FNBP4: variants seen among roughly 807,000 people sequenced by gnomAD.
FNBP4 encodes formin-binding protein 4.
Under a neutral mutation model 119.3 loss-of-function variants are expected in FNBP4, and 34 were observed. The ratio of observed to expected loss-of-function variants is 0.28; its 90% confidence interval spans 0.22 to 0.38. FNBP4 has a LOEUF of 0.38. Ranked by LOEUF, FNBP4 falls within the 10% of genes least tolerant of loss-of-function variation. The probability of loss-of-function intolerance (pLI) is 1.00; values close to 1 mark genes in which losing one functional copy is unlikely to be tolerated. For synonymous variants in FNBP4, 462 were observed against 430.6 expected (o/e 1.07, Z -0.90); for missense variants, 1,112 against 1,228.9 (o/e 0.90, Z 1.42).
intron 8 of FNBP4, 38 bp from the exon 9 acceptor site, chr11:47,736,778 A>C (rs1180681849): frequency 6.5e-7 from 1 of 1,547,592 alleles, no homozygotes; most frequent in South Asian, 1.1e-5. Flanking sequence ...CAAAGTACCA[A>C]TACTTATAGA....
At chr11:47,759,726 G>T (rs1181542132) in intron 2 of FNBP4, among the ~76,000 whole-genome samples, 1 of 152,000 alleles carries the variant, frequency 6.6e-6, no homozygotes, top group East Asian at 1.9e-4. Flanking sequence ...GCCAAGGCGG[G>T]TGGATCACCT....
chr11:47,761,872 C>T (rs1168659228), intron 2 of FNBP4, among the ~76,000 whole-genome samples: 3 of 151,622 alleles, frequency 2.0e-5, no homozygotes, highest in Non-Finnish European at 4.4e-5. Context: ...GAGTTTCGCT[C>T]TTGTTGCCCA....
At chr11:47,745,951 G>A in intron 7 of FNBP4, 105 bp downstream of exon 7, 1 of 1,020,304 alleles carries the variant, frequency 9.8e-7, no homozygotes, top group African/African-American at 1.6e-5. Flanking sequence ...TAGATGATGG[G>A]ATAAGAAAAA....
In FNBP4 at chr11:47,732,694, T is replaced by C. The variant is rs372029090; in HGVS notation, c.1687-24A>G. On this transcript the variant is annotated intron_variant, in intron 10 of 16. Transcript: ENST00000263773. The surrounding 1 kb of genome is among the most constrained non-coding windows in gnomAD (Gnocchi z 4.2). ...GTCTAGAATAAACAGACAAATAAGT[T>C]AAAGACTTATTATTACATGTCAGGA... The C allele has an allele frequency of 2.8e-5, 44 of 1,599,294 alleles. No individual in the cohort carries two copies. The highest frequency in any genetic ancestry group is 3.7e-5 in the Non-Finnish European group (43 of 1,166,570).
At chr11:47,720,692 C>T (rs2097554691) in intron 15 of FNBP4, among the ~76,000 whole-genome samples, 1 of 150,900 alleles carries the variant, frequency 6.6e-6, no homozygotes, top group East Asian at 1.9e-4. Context: ...AAAATATTGC[C>T]TTTATCGCGT....
intron 8 of FNBP4, among the ~76,000 whole-genome samples, chr11:47,743,354 G>T (rs78261087): frequency 6.6e-6 from 1 of 152,008 alleles, no homozygotes; most frequent in Admixed American, 6.6e-5. Context: ...GCGGTGGCAG[G>T]CACCTATAAT....
Position 47,732,650 on chromosome 11 carries a change from C to T in FNBP4, c.1707G>A (p.Arg569=), listed in dbSNP as rs750524057. ...LQTETRIADW[R]EGALNGNYLK... is the part of the protein sequence containing the mutation. ...GGTAGTTTCCATTAAGAGCCCCTTC[C>T]CGCCAGTCTGCAATTCGAGTCTAGA... The change falls in exon 11 of 17, where the codon CGG becomes CGA. Residue 569 remains arginine (R), a synonymous_variant. Transcript: ENST00000263773. This position sits in a 1 kb window ranked among gnomAD's most constrained non-coding sequence, Gnocchi z 4.2. 1 of 1,614,184 alleles carries T rather than the reference C, an allele frequency of 6.2e-7. No homozygotes were observed. The highest frequency in any genetic ancestry group is 2.2e-5 in the East Asian group (1 of 44,890).
intron 8 of FNBP4, among the ~76,000 whole-genome samples, chr11:47,737,428 G>A (rs973859025): frequency 3.9e-5 from 6 of 152,048 alleles, no homozygotes; most frequent in Admixed American, 1.3e-4. Context: ...GTGCTCAAAA[G>A]AGCAACATTA....
At chr11:47,745,250 CAA>C (rs1266307262) in intron 7 of FNBP4, among the ~76,000 whole-genome samples, 1 of 151,966 alleles carries the variant, frequency 6.6e-6, no homozygotes, top group Non-Finnish European at 1.5e-5. Flanking sequence ...CAGGGTCAGG[CAA>C]AAAGAGCCAT....
At chr11:47,745,338 GA>G in intron 7 of FNBP4, among the ~76,000 whole-genome samples, 1 of 152,196 alleles carries the variant, frequency 6.6e-6, no homozygotes, top group Non-Finnish European at 1.5e-5. Context: ...TCCTAGCAAG[GA>G]ATATTAATAT....
At chr11:47,760,337 C>T (rs1421653173) in intron 2 of FNBP4, among the ~76,000 whole-genome samples, 1 of 150,522 alleles carries the variant, frequency 6.6e-6, no homozygotes, top group Non-Finnish European at 1.5e-5. Context: ...TCTCGGCTCA[C>T]TGCAGCCTCT....
chr11:47,766,451 A>G (rs542282846), intron 1 of FNBP4, among the ~76,000 whole-genome samples: 3 of 152,358 alleles, frequency 2.0e-5, no homozygotes, highest in East Asian at 1.9e-4. Flanking sequence ...ATTTTTTCCA[A>G]TTAACGAACC....
At chr11:47,745,390 A>G (rs1055458353) in intron 7 of FNBP4, among the ~76,000 whole-genome samples, 1 of 152,060 alleles carries the variant, frequency 6.6e-6, no homozygotes, top group African/African-American at 2.4e-5. Flanking sequence ...GGGTAGGTCT[A>G]TAAACTGCCG....
At chr11:47,748,967 A>AT (rs1380004090) in intron 6 of FNBP4, among the ~76,000 whole-genome samples, 1 of 151,750 alleles carries the variant, frequency 6.6e-6, no homozygotes, top group Non-Finnish European at 1.5e-5. Context: ...ATTTTAAAGT[A>AT]TTTTTTTTGG....
intron 8 of FNBP4, among the ~76,000 whole-genome samples, chr11:47,743,525 T>G (rs2097585241): frequency 6.6e-6 from 1 of 151,266 alleles, no homozygotes; most frequent in South Asian, 2.1e-4. Flanking sequence ...CAAATGGAGA[T>G]TAAAATATTA....
intron 2 of FNBP4, among the ~76,000 whole-genome samples, chr11:47,761,318 G>A (rs1326992639): frequency 1.3e-5 from 2 of 152,150 alleles, no homozygotes; most frequent in Non-Finnish European, 2.9e-5. Context: ...TCAGAGGCTG[G>A]GCATGGTCGC....
chr11:47,723,357 C>A, intron 14 of FNBP4, 41 bp from the exon 15 acceptor site: 1 of 1,553,306 alleles, frequency 6.4e-7, no homozygotes, highest in Non-Finnish European at 8.7e-7. Context: ...AAAAGGACAT[C>A]ATGACAAGAA....
chr11:47,758,194 C>A (rs1173902789), intron 2 of FNBP4, among the ~76,000 whole-genome samples: 4 of 152,148 alleles, frequency 2.6e-5, no homozygotes, highest in African/African-American at 7.2e-5. Context: ...AATCTTCCCA[C>A]CTCAATCAGG....
chr11:47,735,461 C>T (rs909535868), intron 9 of FNBP4, among the ~76,000 whole-genome samples: 1 of 152,192 alleles, frequency 6.6e-6, no homozygotes, highest in Non-Finnish European at 1.5e-5. Flanking sequence ...TTTGGTCTAA[C>T]TCTCCCATGA....
Sources: allele counts gnomAD v4.1 joint callset (sites outside exome capture counted in the v4.1 genomes callset), GRCh38; gene constraint gnomAD v4.1.1; non-coding constraint Gnocchi (gnomAD v3.1); transcripts MANE v1.5; gene names NCBI Gene and HGNC (gene_info 2026-07-23, HGNC 2026-07-21).